DLGAP3: variants seen among roughly 807,000 people sequenced by gnomAD.
The protein encoded by DLGAP3 is DLG associated protein 3.
In DLGAP3, 17 loss-of-function variants were observed where a neutral mutation model predicts 81.2. The ratio of observed to expected loss-of-function variants is 0.21; its 90% CI spans 0.14 to 0.31. The LOEUF is 0.31. DLGAP3 is among the 10% of genes least tolerant of loss of function. DLGAP3 has a pLI of 1.00. For synonymous variants in DLGAP3, 577 were observed against 587.4 expected, an observed-to-expected ratio of 0.98 and a Z score of 0.26; for missense variants, 1,124 against 1,388.0, an observed-to-expected ratio of 0.81 and a Z score of 3.02.
In DLGAP3 at chr1:34,904,733, T is replaced by A. The variant is rs1335799139; in HGVS notation, c.651A>T (p.Gly217=). Residue 217 remains glycine, a synonymous_variant, in exon 3 of 12, where the codon GGA becomes GGT. Transcript: ENST00000373347. This position sits in a 1 kb window ranked among gnomAD's most constrained non-coding sequence, Gnocchi z 8.1. ...GGDSYPGPGS[G]GPHTSHHHHH... ...GGTGGTGATGGGAGGTGTGGGGGCC[T>A]CCAGAGCCCGGGCCGGGGTAGCTGT... 5.0e-6 allele frequency: 8 copies of A among 1,612,370 alleles called. No homozygotes were observed. Among genetic ancestry groups the A allele is most frequent in the Non-Finnish European group, 6.8e-6 (8 of 1,179,966 alleles).
In DLGAP3 at chr1:34,906,034, T is replaced by TATATATATATATATATATATATATATA. The variant is rs1557492434; in HGVS notation, c.-51-601_-51-600insTATATATATATATATATATATATATAT. ...TCTAAATTTATATATATATATATATTTGTTTGTTTTTATATTTGTAAATGT... is the reference window on the plus strand; with the variant it reads ...TCTAAATTTATATATATATATATATTATATATATATATATATATATATATATATGTTTGTTTTTATATTTGTAAATGT... On this transcript the variant is annotated intron_variant, in intron 2 of 11. Transcript: ENST00000373347. 3.8e-4 allele frequency among the ~76,000 whole-genome samples: 15 copies of TATATATATATATATATATATATATATA among 39,102 alleles called. 1 individual carries two copies. Among genetic ancestry groups the TATATATATATATATATATATATATATA allele is most frequent in the Non-Finnish European group, 4.1e-4 (7 of 17,276 alleles). The allele number at this position is 39,102 out of a possible 152,430, so 25.7% of individuals were successfully genotyped here.
At chr1:34,884,740 C>T (rs1183664513) in intron 8 of DLGAP3, among the ~76,000 whole-genome samples, 1 of 152,166 alleles carries the variant, frequency 6.6e-6, no homozygotes, top group Non-Finnish European at 1.5e-5. Context: ...GTGTATCTCC[C>T]GTCTGCCTCT....
rs564459316 is a variant in DLGAP3 at position 34,902,813 on chromosome 1, T to A, written c.1107+1464A>T. ...GTTAAAAAGGAAGCCCCCAGGGAGG[T>A]CAGGGCAGCCCTGAAGCAGCAGCAG... On this transcript the variant is annotated intron_variant, in intron 3 of 11. Transcript: ENST00000373347. This position sits in a 1 kb window ranked among gnomAD's most constrained non-coding sequence, Gnocchi z 4.4. Among the ~76,000 whole-genome samples the A allele has an allele frequency of 1.3e-5, 2 of 151,296 alleles. No individual in the cohort carries two copies.
chr1:34,899,303 C>T (rs1318797420), intron 5 of DLGAP3, among the ~76,000 whole-genome samples: 1 of 152,146 alleles, frequency 6.6e-6, no homozygotes, highest in Non-Finnish European at 1.5e-5. Context: ...CTCCTGACCT[C>T]GTGATCCGAC....
At position 34,886,943 on chromosome 1, in the gene DLGAP3, C is replaced by A. The variant is rs960376885; in HGVS notation, c.1387-658G>T. ...AGTGTCCCAAGCCTTCCCCCACCTT[C>A]TTTTTTTTTTTTTTTTTTTTTTTTT... On this transcript the variant is annotated intron_variant, in intron 5 of 11. Coordinates refer to ENST00000373347, the MANE Select transcript of DLGAP3 (RefSeq NM_001080418.3). 8.4e-4 allele frequency among the ~76,000 whole-genome samples: 54 copies of A among 64,316 alleles called. No homozygotes were observed. The Middle Eastern group carries it at 0.032, about 38-fold the overall frequency. The allele number at this position is 64,316 out of a possible 152,430, so 42.2% of individuals were successfully genotyped here.
At chr1:34,910,786 A>G (rs1639627806) in intron 1 of DLGAP3, among the ~76,000 whole-genome samples, 1 of 152,062 alleles carries the variant, frequency 6.6e-6, no homozygotes, top group African/African-American at 2.4e-5. Flanking sequence ...TTATATTGTT[A>G]CCATTTTAAA....
chr1:34,890,965 T>G (rs1265923322), intron 5 of DLGAP3, among the ~76,000 whole-genome samples: 1 of 152,218 alleles, frequency 6.6e-6, no homozygotes, highest in African/African-American at 2.4e-5. Flanking sequence ...GAATTCAAGA[T>G]TTCTCTGTTA....
intron 5 of DLGAP3, among the ~76,000 whole-genome samples, chr1:34,892,520 A>T (rs1639327498): frequency 6.6e-6 from 1 of 152,036 alleles, no homozygotes; most frequent in African/African-American, 2.4e-5. Context: ...TGTTTTTTTT[A>T]GAGATGAGGT....
intron 8 of DLGAP3, among the ~76,000 whole-genome samples, chr1:34,881,477 T>C (rs1347099741): frequency 1.3e-5 from 2 of 152,182 alleles, no homozygotes; most frequent in African/African-American, 4.8e-5. Context: ...CTTTACTCCT[T>C]CTCACTGCTC....
chr1:34,921,288 G>T lies in DLGAP3; in HGVS notation c.-135+8163C>A, dbSNP rs183880088. Among the ~76,000 whole-genome samples, 4 of 152,158 alleles carry T rather than the reference G, an allele frequency of 2.6e-5. No homozygotes were observed. In the East Asian group the frequency reaches 7.7e-4, roughly 29 times the overall value. ...GGCTGCTTTTTGGGAAAGAGTCTAC[G>T]GAGGTGGGGCTGGCAAGGGTGGAAG... On this transcript the variant is annotated intron_variant, in intron 1 of 11. Transcript: ENST00000373347.
At chr1:34,896,838 C>T (rs1415475545) in intron 5 of DLGAP3, among the ~76,000 whole-genome samples, 1 of 151,950 alleles carries the variant, frequency 6.6e-6, no homozygotes, top group East Asian at 1.9e-4. Flanking sequence ...AGCACCAGTC[C>T]AAAGGCAAGA....
chr1:34,893,701 GA>G (rs35210118), intron 5 of DLGAP3, among the ~76,000 whole-genome samples: 28,669 of 152,140 alleles, frequency 0.19, 4,104 homozygotes, highest in East Asian at 0.72. Context: ...ATTATATTTT[GA>G]TAAGCTAAGA....
chr1:34,920,254 A>G (rs1208675618), intron 1 of DLGAP3, among the ~76,000 whole-genome samples: 1 of 152,096 alleles, frequency 6.6e-6, no homozygotes, highest in Admixed American at 6.5e-5. Flanking sequence ...CCTGTTCCCT[A>G]TGGCAGGAGC....
intron 8 of DLGAP3, among the ~76,000 whole-genome samples, chr1:34,881,961 A>C (rs544780402): frequency 4.6e-5 from 7 of 152,392 alleles, no homozygotes; most frequent in African/African-American, 1.7e-4. Context: ...TAGCCACTAA[A>C]GTCAATACTA....
chr1:34,877,261 T>C (rs72657945), intron 8 of DLGAP3, among the ~76,000 whole-genome samples: 10,930 of 152,108 alleles, frequency 0.072, 495 homozygotes, highest in South Asian at 0.11. Context: ...GCCAAGAAGG[T>C]CTGTTTCATT....
rs990756843 is a variant in DLGAP3 at position 34,905,340 on chromosome 1, G to T, written c.44C>A (p.Ala15Asp). The change falls in exon 3 of 12, where the codon GCC (alanine) becomes GAC (aspartate). Residue 15 changes from alanine (A) to aspartate (D), a missense_variant. Around this residue, in one of 9 missense-constraint regions of DLGAP3, gnomAD observed 167 missense variants for 172.1 expected, o/e 0.97. Transcript: ENST00000373347. ...HGDRGSHPRP[A>D]RFADQQHMDV... ...CATATGCTGTTGGTCAGCAAAGCGG[G>T]CTGGGCGGGGATGGCTGCCTCGGTC... The T allele has an allele frequency of 2.6e-6, 4 of 1,558,438 alleles. No homozygotes were observed. The highest frequency in any genetic ancestry group is 3.9e-5 in the Admixed American group (2 of 51,916).
Position 34,885,654 on chromosome 1 carries a change from T to G in DLGAP3, c.1738A>C (p.Ser580Arg), listed in dbSNP as rs1639211282. The stretch of plus-strand genomic sequence containing the variant: ...GGGCCGTCCAGCCCGTCGGCGGAGC[T>G]GCAGCGCCGGGCGGGGCCCTCGGCC... ...TAAEGPARRC[S>R]SADGLDGPAM... Residue 580 changes from serine to arginine, a missense_variant, in exon 7 of 12, where the codon AGC becomes CGC. Physicochemically the swap from Ser to Arg is moderately radical, Grantham distance 110. This residue lies in a region of DLGAP3 where 379 missense variants were observed against 455.7 expected (regional missense o/e 0.83). Transcript: ENST00000373347. 1 of 1,437,140 alleles carries G rather than the reference T, an allele frequency of 7.0e-7. No homozygotes were observed. Among genetic ancestry groups the G allele is most frequent in the African/African-American group, 1.5e-5 (1 of 67,540 alleles). The allele number at this position is 1,437,140 out of a possible 1,614,324, so 89.0% of individuals were successfully genotyped here.
chr1:34,915,524 G>A (rs1048317145), intron 1 of DLGAP3, among the ~76,000 whole-genome samples: 6 of 152,184 alleles, frequency 3.9e-5, no homozygotes, highest in African/African-American at 1.4e-4. Context: ...TCCAGAGCTT[G>A]GGACAGCCTC....
chr1:34,927,416 C>A (rs1639891365), intron 1 of DLGAP3, among the ~76,000 whole-genome samples: 1 of 152,024 alleles, frequency 6.6e-6, no homozygotes, highest in South Asian at 2.1e-4. Context: ...GAGGTTGGAC[C>A]AAGTCAATAC....
Sources: allele counts gnomAD v4.1 joint callset (sites outside exome capture counted in the v4.1 genomes callset), GRCh38; gene constraint gnomAD v4.1.1; regional missense constraint gnomAD v4.1.1; non-coding constraint Gnocchi (gnomAD v3.1); transcripts MANE v1.5; gene names NCBI Gene and HGNC (gene_info 2026-07-23, HGNC 2026-07-21).